The following ADCY1 variants were observed in gnomAD, a reference collection of about 807,000 sequenced individuals.
ADCY1 encodes adenylate cyclase type 1.
ADCY1 carries 28 observed loss-of-function variants against 105.4 expected under a neutral mutation model. The ratio of observed to expected loss-of-function variants is 0.27; its 90% CI spans 0.20 to 0.36. ADCY1 has a LOEUF of 0.36. Among genes scored for constraint, ADCY1 ranks in the 10% least tolerant of loss-of-function variants. ADCY1 has a pLI of 1.00. For synonymous variants in ADCY1, 655 were observed against 623.8 expected, an observed-to-expected ratio of 1.05 and a Z score of -0.75; for missense variants, 977 against 1,434.2, an observed-to-expected ratio of 0.68 and a Z score of 5.15.
At chr7:45,683,574 G>A (rs531845364) in intron 11 of ADCY1, among the ~76,000 whole-genome samples, 2 of 152,224 alleles carry the variant, frequency 1.3e-5, no homozygotes, top group Non-Finnish European at 2.9e-5. Context: ...GCAGGACTGG[G>A]GACTATGGTC....
chr7:45,708,227 C>G lies in ADCY1; in HGVS notation c.2818-123C>G, dbSNP rs1181076844. 2 of 655,756 alleles carry G rather than the reference C, an allele frequency of 3.0e-6. No individual in the cohort carries two copies. Among genetic ancestry groups the G allele is most frequent in the Non-Finnish European group, 5.6e-6 (2 of 359,480 alleles). The allele number at this position is 655,756 out of a possible 1,614,324, so 40.6% of individuals were successfully genotyped here. ...CTGTAGAATGGAATGATAAATGTGC[C>G]TATAGCCAGGCACTCAGAGTGCCTT... On this transcript the variant is annotated intron_variant, in intron 17 of 19. Transcript: ENST00000297323. The surrounding 1 kb of genome is among the most constrained non-coding windows in gnomAD (Gnocchi z 4.7).
At chr7:45,648,579 G>A in intron 4 of ADCY1, 91 bp from the exon 5 acceptor site, 1 of 1,546,748 alleles carries the variant, frequency 6.5e-7, no homozygotes, top group Non-Finnish European at 8.8e-7. Context: ...GCGCTCTGTG[G>A]CCACCAGTGT....
Position 45,674,506 on chromosome 7 carries a change from T to C in ADCY1, c.1606-3363T>C, listed in dbSNP as rs151000036. Among the ~76,000 whole-genome samples the C allele has an allele frequency of 5.1e-4, 78 of 152,274 alleles. 3 individuals carry two copies. The East Asian group carries it at 0.015, about 29-fold the overall frequency. On this transcript the variant is annotated intron_variant, in intron 8 of 19. Transcript: ENST00000297323. ...TCTCTGCCTCACCCTCTCGAGTAGC[T>C]GGGATTACAGGCACCCGCCACCACG...
chr7:45,628,524 G>A (rs1340846081), intron 4 of ADCY1, among the ~76,000 whole-genome samples: 1 of 152,182 alleles, frequency 6.6e-6, no homozygotes, highest in African/African-American at 2.4e-5. Flanking sequence ...AGCGGTTTCT[G>A]GAGGAAGGGG....
Position 45,710,614 on chromosome 7 carries a change from A to C in ADCY1, c.3019A>C (p.Ser1007Arg). The C allele has an allele frequency of 6.2e-7, 1 of 1,614,092 alleles. No individual in the cohort carries two copies. Among genetic ancestry groups the C allele is most frequent in the Non-Finnish European group, 8.5e-7 (1 of 1,180,002 alleles). The change falls in exon 19 of 20, where the codon AGT becomes CGT. Residue 1007 changes from serine to arginine, a missense_variant. Physicochemically the swap from Ser to Arg is moderately radical, Grantham distance 110. Around this residue, in one of 7 missense-constraint regions of ADCY1, gnomAD observed 152 missense variants for 293.7 expected, o/e 0.52. Coordinates refer to ENST00000297323, the MANE Select transcript of ADCY1 (RefSeq NM_021116.4). The surrounding 1 kb of genome is among the most constrained non-coding windows in gnomAD (Gnocchi z 4.7). The part of the protein sequence containing the change: ...DIWGNTVNVA[S>R]RMDSTGVQGR... ...CTGGGGAAACACAGTCAACGTGGCC[A>C]GTCGGATGGATAGCACAGGGGTCCA...
chr7:45,654,463 G>A (rs1009913953), intron 5 of ADCY1, among the ~76,000 whole-genome samples: 4 of 152,232 alleles, frequency 2.6e-5, no homozygotes, highest in African/African-American at 7.2e-5. Context: ...TTCAGCTTGT[G>A]TGTGCTGTGG....
At chr7:45,579,460 G>A (rs899178333) in intron 1 of ADCY1, among the ~76,000 whole-genome samples, 10 of 151,996 alleles carry the variant, frequency 6.6e-5, no homozygotes, top group Non-Finnish European at 8.8e-5. Context: ...ACCTTCTGTG[G>A]CTGGCCCCTA....
At chr7:45,695,067 C>A (rs1784854244) in intron 14 of ADCY1, among the ~76,000 whole-genome samples, 1 of 152,232 alleles carries the variant, frequency 6.6e-6, no homozygotes. Flanking sequence ...ATCTGGGAGA[C>A]CCCTAGGCTC....
intron 4 of ADCY1, among the ~76,000 whole-genome samples, chr7:45,626,175 A>C (rs1794057364): frequency 2.6e-5 from 4 of 152,230 alleles, no homozygotes; most frequent in Admixed American, 2.6e-4. Flanking sequence ...CTCTTGGAGC[A>C]CAGAAGCAGC....
chr7:45,664,344 C>T, intron 8 of ADCY1: 2 of 1,536,138 alleles, frequency 1.3e-6, no homozygotes, highest in Non-Finnish European at 8.7e-7. Flanking sequence ...TTTTGGTCTC[C>T]CACCCTGCAA....
intron 3 of ADCY1, among the ~76,000 whole-genome samples, chr7:45,620,953 C>T (rs1314556170): frequency 6.6e-6 from 1 of 152,188 alleles, no homozygotes; most frequent in Non-Finnish European, 1.5e-5. Flanking sequence ...GTACACACAG[C>T]TCCATATCTG....
intron 2 of ADCY1, among the ~76,000 whole-genome samples, chr7:45,609,371 C>T (rs1169546704): frequency 2.0e-5 from 3 of 152,206 alleles, no homozygotes; most frequent in African/African-American, 7.2e-5. Flanking sequence ...TGCTGGGTGC[C>T]CGCGTGACTA....
intron 1 of ADCY1, among the ~76,000 whole-genome samples, chr7:45,581,282 T>C (rs889380628): frequency 6.6e-6 from 1 of 152,226 alleles, no homozygotes; most frequent in African/African-American, 2.4e-5. Context: ...AAGTGGGACC[T>C]ACCCCTTACC....
chr7:45,667,837 G>A (rs1377217381), intron 8 of ADCY1, among the ~76,000 whole-genome samples: 1 of 152,078 alleles, frequency 6.6e-6, no homozygotes, highest in African/African-American at 2.4e-5. Context: ...CCTTGAAGAG[G>A]TCCTTCACAT....
intron 3 of ADCY1, among the ~76,000 whole-genome samples, chr7:45,617,132 T>C (rs1207019179): frequency 2.0e-5 from 3 of 152,156 alleles, no homozygotes; most frequent in Non-Finnish European, 4.4e-5. Context: ...TTTAGCAGAG[T>C]GTGCATTGTT....
At position 45,716,542 on chromosome 7, in the gene ADCY1, A is replaced by G. The variant is rs1785361771; in HGVS notation, c.*2547A>G. On this transcript the variant is annotated 3_prime_UTR_variant, in exon 20 of 20. Coordinates refer to ENST00000297323, the MANE Select transcript of ADCY1 (RefSeq NM_021116.4). ...GTGGCTGCCCTGGCTCCCCCAGCTC[A>G]CCGTGGTGCTGTCCTTGACCCACGA... 1 of 152,900 alleles carries G rather than the reference A, an allele frequency of 6.5e-6. No homozygotes were observed. Among genetic ancestry groups the G allele is most frequent in the Non-Finnish European group, 1.5e-5 (1 of 68,666 alleles). The allele number at this position is 152,900 out of a possible 1,614,324, so 9.5% of individuals were successfully genotyped here.
intron 14 of ADCY1, among the ~76,000 whole-genome samples, chr7:45,700,218 G>C (rs1014136025): frequency 6.6e-6 from 1 of 152,268 alleles, no homozygotes; most frequent in Admixed American, 6.5e-5. Context: ...GCCCAGCCAG[G>C]GTCACCCTGA....
At chr7:45,593,896 G>A (rs907478964) in intron 2 of ADCY1, among the ~76,000 whole-genome samples, 2 of 152,210 alleles carry the variant, frequency 1.3e-5, no homozygotes, top group Non-Finnish European at 2.9e-5. Flanking sequence ...GTGCATTGCC[G>A]TCTATGTGAA....
At chr7:45,610,572 G>C in intron 3 of ADCY1, 75 bp downstream of exon 3, 1 of 1,318,658 alleles carries the variant, frequency 7.6e-7, no homozygotes, top group South Asian at 1.2e-5. Flanking sequence ...AAGGTGGGGA[G>C]GTGATGACAG....
Sources: gnomAD v4.1 joint callset for allele counts (sites outside exome capture counted in the v4.1 genomes callset) on GRCh38, gnomAD v4.1.1 for gene constraint, gnomAD v4.1.1 regional missense constraint, Gnocchi (gnomAD v3.1) non-coding constraint, MANE v1.5 for transcripts, NCBI Gene and HGNC (gene_info 2026-07-23, HGNC 2026-07-21) for gene names.